Variants in CAMK4 observed in about 807,000 individuals in gnomAD.
CAMK4 encodes calcium/calmodulin dependent protein kinase IV.
CAMK4 carries 22 observed loss-of-function variants against 44.9 expected under a neutral mutation model. The observed-to-expected ratio is 0.49, with a 90% CI of 0.35 to 0.70. CAMK4 has a LOEUF of 0.70. Among genes scored for constraint, CAMK4 ranks in the 30% least tolerant of loss-of-function variants. The probability of loss-of-function intolerance (pLI) is 0.01; values close to 1 mark genes in which losing one functional copy is unlikely to be tolerated. For synonymous variants in CAMK4, 218 were observed against 215.4 expected (o/e 1.01, Z -0.11); for missense variants, 498 against 586.8 (o/e 0.85, Z 1.56).
chr5:111,249,985 C>T (rs1466668165), intron 1 of CAMK4, among the ~76,000 whole-genome samples: 2 of 151,936 alleles, frequency 1.3e-5, no homozygotes, highest in Non-Finnish European at 2.9e-5. Flanking sequence ...TATTATTAAC[C>T]TTAGGAAACA....
intron 1 of CAMK4, among the ~76,000 whole-genome samples, chr5:111,332,548 A>C (rs1179389897): frequency 6.6e-6 from 1 of 151,592 alleles, no homozygotes; most frequent in Non-Finnish European, 1.5e-5. Context: ...ATATGTGTGC[A>C]TGTGTCTTTA....
chr5:111,483,514 G>A (rs1245056044), intron 10 of CAMK4, among the ~76,000 whole-genome samples: 1 of 152,112 alleles, frequency 6.6e-6, no homozygotes, highest in Non-Finnish European at 1.5e-5. Context: ...CAGAATTAGG[G>A]TCCTATGCAG....
At chr5:111,382,291 C>T (rs1751446878) in intron 4 of CAMK4, among the ~76,000 whole-genome samples, 1 of 152,068 alleles carries the variant, frequency 6.6e-6, no homozygotes, top group South Asian at 2.1e-4. Flanking sequence ...CTAGATCTCT[C>T]ATTCTTGGTG....
rs889163597 is a variant in CAMK4, at chr5:111,334,687, A to G, written c.162-9337A>G. 2.0e-5 allele frequency among the ~76,000 whole-genome samples: 3 copies of G among 151,594 alleles called. No individual in the cohort carries two copies. In the South Asian group the frequency reaches 6.2e-4, roughly 31 times the overall value. ...GTTGCACACATTATATTTTCAACCT[A>G]TGATTGACACTTCTTTTAAATCACA... On this transcript the variant is annotated intron_variant, in intron 1 of 10. Transcript: ENST00000282356.
At chr5:111,356,468 A>G (rs1469008828) in intron 2 of CAMK4, among the ~76,000 whole-genome samples, 3 of 152,190 alleles carry the variant, frequency 2.0e-5, no homozygotes, top group Non-Finnish European at 4.4e-5. Context: ...GTTCACTTTG[A>G]TGGTAGTTTC....
At chr5:111,270,299 T>G (rs548540882) in intron 1 of CAMK4, among the ~76,000 whole-genome samples, 51 of 152,346 alleles carry the variant, frequency 3.3e-4, no homozygotes, top group Non-Finnish European at 5.4e-4. Flanking sequence ...CCATCCTATC[T>G]GCTACTCTTC....
chr5:111,368,881 G>C (rs1750897360), intron 2 of CAMK4, among the ~76,000 whole-genome samples: 1 of 151,796 alleles, frequency 6.6e-6, no homozygotes, highest in South Asian at 2.1e-4. Flanking sequence ...CCAGCATTCA[G>C]AGAAGCAGAA....
intron 5 of CAMK4, among the ~76,000 whole-genome samples, chr5:111,443,314 A>T (rs1205590802): frequency 1.1e-3 from 125 of 116,450 alleles, no homozygotes; most frequent in African/African-American, 3.5e-3. Flanking sequence ...ACACACACAC[A>T]CTATATATAT....
chr5:111,272,251 G>C (rs766468254), intron 1 of CAMK4, among the ~76,000 whole-genome samples: 4 of 152,112 alleles, frequency 2.6e-5, no homozygotes, highest in Non-Finnish European at 4.4e-5. Context: ...GAGTTCACTA[G>C]CCAAATCTTT....
intron 5 of CAMK4, among the ~76,000 whole-genome samples, chr5:111,404,677 T>G (rs983480408): frequency 1.3e-5 from 2 of 152,138 alleles, no homozygotes; most frequent in African/African-American, 2.4e-5. Flanking sequence ...CGAATGCTGG[T>G]CAGTTGTTGT....
chr5:111,238,836 T>A (rs1049914265), intron 1 of CAMK4, among the ~76,000 whole-genome samples: 1 of 102,492 alleles, frequency 9.8e-6, no homozygotes, highest in Non-Finnish European at 2.1e-5. Context: ...TTTTTTTTTT[T>A]AACAGGAGGT....
chr5:111,471,287 A>T (rs954277334), intron 7 of CAMK4, among the ~76,000 whole-genome samples: 1 of 152,136 alleles, frequency 6.6e-6, no homozygotes, highest in South Asian at 2.1e-4. Flanking sequence ...GATGTTGACT[A>T]TTGTTTCTGC....
intron 2 of CAMK4, among the ~76,000 whole-genome samples, chr5:111,346,482 T>TTATC (rs58011893): frequency 0.052 from 7,776 of 149,986 alleles, 211 homozygotes; most frequent in African/African-American, 0.069. Context: ...GCTTGAAACT[T>TTATC]TATCTATCTA....
chr5:111,451,984 C>T (rs1252260348), intron 7 of CAMK4, among the ~76,000 whole-genome samples: 1 of 152,220 alleles, frequency 6.6e-6, no homozygotes, highest in East Asian at 1.9e-4. Context: ...CCTGTGCATT[C>T]TCTTGTACTC....
At chr5:111,477,542 C>T (rs1297848917) in intron 8 of CAMK4, among the ~76,000 whole-genome samples, 3 of 152,154 alleles carry the variant, frequency 2.0e-5, no homozygotes, top group African/African-American at 4.8e-5. Context: ...AACTTCCACC[C>T]GTCTGTAAAC....
At chr5:111,395,415 CTT>C (rs914285876) in intron 5 of CAMK4, among the ~76,000 whole-genome samples, 3 of 149,600 alleles carry the variant, frequency 2.0e-5, no homozygotes, top group African/African-American at 7.3e-5. Flanking sequence ...TTCTTTAACT[CTT>C]TCTTTCCCAT....
At chr5:111,370,758 T>C (rs1750972687) in intron 2 of CAMK4, among the ~76,000 whole-genome samples, 1 of 151,934 alleles carries the variant, frequency 6.6e-6, no homozygotes, top group Non-Finnish European at 1.5e-5. Flanking sequence ...CTACCAGAAA[T>C]ACAAAAATTT....
intron 2 of CAMK4, among the ~76,000 whole-genome samples, chr5:111,347,274 T>C (rs1749908893): frequency 6.6e-6 from 1 of 151,992 alleles, no homozygotes; most frequent in East Asian, 1.9e-4. Context: ...AGTTCCTCCT[T>C]ATCTGAGGTC....
chr5:111,408,070 C>T (rs1752501200), intron 5 of CAMK4, among the ~76,000 whole-genome samples: 1 of 151,992 alleles, frequency 6.6e-6, no homozygotes, highest in African/African-American at 2.4e-5. Flanking sequence ...GATCACGCCA[C>T]TGCACTCCAG....
Sources: allele counts gnomAD v4.1 joint callset (sites outside exome capture counted in the v4.1 genomes callset), GRCh38; gene constraint gnomAD v4.1.1; transcripts MANE v1.5; gene names NCBI Gene and HGNC (gene_info 2026-07-23, HGNC 2026-07-21).